RSPO4: variants seen among roughly 807,000 people sequenced by gnomAD.
The protein encoded by RSPO4 is R-spondin-4.
Under a neutral mutation model 24.8 loss-of-function variants are expected in RSPO4, and 23 were observed. That is an observed-to-expected ratio of 0.93 (90% CI 0.67 to 1.31). RSPO4 has a LOEUF of 1.31. Among genes scored for constraint, RSPO4 ranks in the 40% most tolerant of loss-of-function variants. The pLI is 0.00. For missense variants in RSPO4, 333 were observed against 316.5 expected (o/e 1.05, Z -0.39); for synonymous variants, 141 against 127.4 (o/e 1.11, Z -0.72).
At position 960,370 on chromosome 20, in the gene RSPO4, C is replaced by T. The variant is rs1417342824; in HGVS notation, c.692G>A (p.Gly231Asp). Residue 231 changes from glycine to aspartate, a missense_variant, in exon 5 of 5, where the codon GGC becomes GAC. Gly to Asp is a moderately conservative substitution (Grantham distance 94). Coordinates refer to ENST00000217260, the MANE Select transcript of RSPO4 (RefSeq NM_001029871.4). ...GAGAGCCGGCGGTCAGGGCTGCAGG[C>T]CGGGCTGGCGCGGCCTCACGTCCAG... ...RRLDVRPRQP[G>D]LQP 4 of 1,536,730 alleles carry T rather than the reference C, an allele frequency of 2.6e-6. No individual in the cohort carries two copies. Among genetic ancestry groups the T allele is most frequent in the Non-Finnish European group, 1.7e-6 (2 of 1,146,788 alleles).
chr20:995,482 G>T (rs1227529808), intron 1 of RSPO4, among the ~76,000 whole-genome samples: 1 of 152,192 alleles, frequency 6.6e-6, no homozygotes, highest in Non-Finnish European at 1.5e-5. Flanking sequence ...GCCACGCCCT[G>T]GCCGAGCAGA....
rs1025545592 is a variant in RSPO4 at position 970,583 on chromosome 20, C to T, written c.80-2445G>A. Among the ~76,000 whole-genome samples the T allele has an allele frequency of 6.6e-6, 1 of 152,052 alleles. No homozygotes were observed. The highest frequency in any genetic ancestry group is 6.5e-5 in the Admixed American group (1 of 15,270). On this transcript the variant is annotated intron_variant, in intron 1 of 4. Transcript: ENST00000217260. The surrounding 1 kb of genome is among the most constrained non-coding windows in gnomAD (Gnocchi z 4.1). ...CTGGAGCTGTATACCTGGCAGGGAT[C>T]TGAGGGCAGAGAGCAAGTGTGATGT...
At chr20:973,050 C>T (rs551650478) in intron 1 of RSPO4, among the ~76,000 whole-genome samples, 5 of 152,352 alleles carry the variant, frequency 3.3e-5, no homozygotes, top group Admixed American at 6.5e-5. Flanking sequence ...GGAGGTGAAA[C>T]GACATGTCCA....
intron 3 of RSPO4, among the ~76,000 whole-genome samples, chr20:966,113 G>A (rs543617116): frequency 7.2e-5 from 11 of 152,284 alleles, no homozygotes; most frequent in African/African-American, 2.4e-4. Flanking sequence ...GGGCAGTGGA[G>A]GTGAGGATCA....
chr20:975,258 C>A (rs1001907805), intron 1 of RSPO4, among the ~76,000 whole-genome samples: 3 of 152,146 alleles, frequency 2.0e-5, no homozygotes, highest in African/African-American at 7.2e-5. Context: ...CACTTTGAAA[C>A]CCCCTGGGTC....
In RSPO4 at chr20:960,105, A is replaced by G; in HGVS notation, c.*252T>C. On this transcript the variant is annotated 3_prime_UTR_variant, in exon 5 of 5. Coordinates refer to ENST00000217260, the MANE Select transcript of RSPO4 (RefSeq NM_001029871.4). ...GAAAGAAAAGGAAAGATAAAAGATA[A>G]GTGAGAAAGAAGAGGAAGGAAGGGA... 1 of 567,534 alleles carries G rather than the reference A, an allele frequency of 1.8e-6. No individual in the cohort carries two copies. Among genetic ancestry groups the G allele is most frequent in the Non-Finnish European group, 3.1e-6 (1 of 318,292 alleles). 35.2% of individuals were successfully genotyped at this position (567,534 alleles called of 1,614,324 possible). A position where few individuals can be genotyped will look rare whatever the true frequency, so the allele number is the denominator to read the frequency against.
At chr20:980,122 G>C (rs1984690531) in intron 1 of RSPO4, among the ~76,000 whole-genome samples, 1 of 152,184 alleles carries the variant, frequency 6.6e-6, no homozygotes, top group East Asian at 1.9e-4. Context: ...ACCCATTTCA[G>C]AAAGGAGGAA....
Position 968,032 on chromosome 20 carries a change from G to GC in RSPO4, c.185dup (p.Ile63HisfsTer34), listed in dbSNP as rs1314415828. ...GCAGGCACTTGCCGTACTGGCGGAT[G>GC]CCTTCCCGGCGGATGAACAGGAAGA... On this transcript the variant is annotated frameshift_variant, in exon 2 of 5. Coordinates refer to ENST00000217260, the MANE Select transcript of RSPO4 (RefSeq NM_001029871.4). LOFTEE classifies it high-confidence loss of function. The GC allele has an allele frequency of 6.2e-7, 1 of 1,614,242 alleles. No homozygotes were observed. The highest frequency in any genetic ancestry group is 1.1e-5 in the South Asian group (1 of 91,090).
chr20:990,526 T>TTCCG (rs1985066020), intron 1 of RSPO4, among the ~76,000 whole-genome samples: 1 of 150,914 alleles, frequency 6.6e-6, no homozygotes, highest in African/African-American at 2.4e-5. Context: ...CCCTCCCTCC[T>TTCCG]TCCTTCCTTT....
intron 1 of RSPO4, among the ~76,000 whole-genome samples, chr20:993,026 A>G (rs1569816): frequency 0.11 from 16,513 of 152,166 alleles, 1,391 homozygotes; most frequent in African/African-American, 0.24. Flanking sequence ...CAGAAGGGCA[A>G]CTGTGACATT....
intron 1 of RSPO4, among the ~76,000 whole-genome samples, chr20:994,792 G>GGCCTCAGGTGATCTGCCT (rs1985221607): frequency 6.6e-6 from 1 of 152,124 alleles, no homozygotes; most frequent in Non-Finnish European, 1.5e-5. Flanking sequence ...TCGAACTCCT[G>GGCCTCAGGTGATCTGCCT]GCCTCAGGTG....
In RSPO4 at chr20:998,985, C is replaced by CTCTTT. The variant is rs1555797904; in HGVS notation, c.79+3100_79+3101insAAAGA. 7.1e-4 allele frequency among the ~76,000 whole-genome samples: 93 copies of CTCTTT among 131,842 alleles called. 2 individuals carry two copies. The highest frequency in any genetic ancestry group is 3.3e-3 in the East Asian group (15 of 4,602). The allele number at this position is 131,842 out of a possible 152,430, so 86.5% of individuals were successfully genotyped here. A position where few individuals can be genotyped will look rare whatever the true frequency, so the allele number is the denominator to read the frequency against. On this transcript the variant is annotated intron_variant, in intron 1 of 4. Coordinates refer to ENST00000217260, the MANE Select transcript of RSPO4 (RefSeq NM_001029871.4). ...GGGAAAGGTCACTCTCTCTCGCTCT[C>CTCTTT]TTTTTTTTTTTTTTTTTTTGAGACA... is the stretch of plus-strand genomic sequence containing the variant.
intron 1 of RSPO4, among the ~76,000 whole-genome samples, chr20:971,823 A>G (rs1441735780): frequency 6.6e-6 from 1 of 152,192 alleles, no homozygotes. Flanking sequence ...AAAAATGCAT[A>G]AAGAACAAAA....
chr20:965,343 G>A (rs1021529448), intron 3 of RSPO4, among the ~76,000 whole-genome samples: 5 of 152,178 alleles, frequency 3.3e-5, no homozygotes, highest in African/African-American at 1.2e-4. Context: ...GAGTCCCCAG[G>A]ATGATTTGGC....
chr20:984,164 C>A (rs965580626), intron 1 of RSPO4, among the ~76,000 whole-genome samples: 2 of 151,890 alleles, frequency 1.3e-5, no homozygotes, highest in African/African-American at 4.8e-5. Context: ...GGTGAAACCC[C>A]GTCTCTACTA....
At chr20:1,001,196 T>C (rs1049286281) in intron 1 of RSPO4, among the ~76,000 whole-genome samples, 5 of 152,226 alleles carry the variant, frequency 3.3e-5, no homozygotes, top group African/African-American at 1.2e-4. Context: ...CGTGGCATAG[T>C]GGCTGGCATT....
chr20:1,002,281 C>T lies in RSPO4; in HGVS notation c.-117G>A. On this transcript the variant is annotated 5_prime_UTR_variant, in exon 1 of 5. Transcript: ENST00000217260. The surrounding 1 kb of genome is among the most constrained non-coding windows in gnomAD (Gnocchi z 4.6). ...GCTGTGGGCGCGCCGGGCGCATCCGCCAGGCGCGGGTCGGTCCGGCCGCCA... is the reference window on the plus strand; with the variant it reads ...GCTGTGGGCGCGCCGGGCGCATCCGTCAGGCGCGGGTCGGTCCGGCCGCCA... 1.5e-5 allele frequency: 7 copies of T among 459,586 alleles called. No individual in the cohort carries two copies. Among genetic ancestry groups the T allele is most frequent in the Non-Finnish European group, 2.1e-5 (7 of 326,626 alleles). The allele number at this position is 459,586 out of a possible 1,614,324, so 28.5% of individuals were successfully genotyped here. A position where few individuals can be genotyped will look rare whatever the true frequency, so the allele number is the denominator to read the frequency against.
At chr20:971,207 T>G (rs1984395511) in intron 1 of RSPO4, among the ~76,000 whole-genome samples, 1 of 152,228 alleles carries the variant, frequency 6.6e-6, no homozygotes, top group Admixed American at 6.5e-5. Context: ...GTTCTCAAAC[T>G]CTGGCGCACA....
At position 981,537 on chromosome 20, in the gene RSPO4, T is replaced by TATAAA. The variant is rs541775526; in HGVS notation, c.80-13404_80-13400dup. Among the ~76,000 whole-genome samples, 217 of 151,958 alleles carry TATAAA rather than the reference T, an allele frequency of 1.4e-3. No individual in the cohort carries two copies. The highest frequency in any genetic ancestry group is 3.7e-3 in the African/African-American group (154 of 41,460). ...AGACGCTGTCTCAAAAAAGATAAGA[T>TATAAA]ATAAAATAAAATAAAATAAAAATAA... On this transcript the variant is annotated intron_variant, in intron 1 of 4. Coordinates refer to ENST00000217260, the MANE Select transcript of RSPO4 (RefSeq NM_001029871.4). The surrounding 1 kb of genome is among the most constrained non-coding windows in gnomAD (Gnocchi z 4.6).
Sources: gnomAD v4.1 joint callset for allele counts (sites outside exome capture counted in the v4.1 genomes callset) on GRCh38, gnomAD v4.1.1 for gene constraint, Gnocchi (gnomAD v3.1) non-coding constraint, MANE v1.5 for transcripts, NCBI Gene and HGNC (gene_info 2026-07-23, HGNC 2026-07-21) for gene names.